Variants in MTHFD1L observed in about 807,000 individuals in gnomAD.
MTHFD1L encodes the protein methylenetetrahydrofolate dehydrogenase (NADP+ dependent) 1 like.
Under a neutral mutation model 119.5 loss-of-function variants are expected in MTHFD1L, and 81 were observed. The observed-to-expected ratio is 0.68, with a 90% CI of 0.57 to 0.82. MTHFD1L has a LOEUF of 0.82. MTHFD1L is among the 40% of genes least tolerant of loss of function. The probability of loss-of-function intolerance (pLI) is 0.00; values close to 1 mark genes in which losing one functional copy is unlikely to be tolerated. For missense variants in MTHFD1L, 1,125 were observed against 1,253.4 expected (o/e 0.90, Z 1.55); for synonymous variants, 430 against 475.2 (o/e 0.90, Z 1.24).
At chr6:151,084,990 T>TAC (rs1793634570) in intron 26 of MTHFD1L, among the ~76,000 whole-genome samples, 1 of 131,634 alleles carries the variant, frequency 7.6e-6, no homozygotes, top group Non-Finnish European at 1.5e-5. Flanking sequence ...AAAAAATATA[T>TAC]ATATATATAT....
intron 26 of MTHFD1L, among the ~76,000 whole-genome samples, chr6:151,057,066 G>T (rs185899530): frequency 9.8e-5 from 15 of 152,298 alleles, no homozygotes; most frequent in Non-Finnish European, 2.1e-4. Flanking sequence ...TGGGGCTGGG[G>T]CTGAGTGTCC....
intron 9 of MTHFD1L, among the ~76,000 whole-genome samples, chr6:150,921,398 G>C (rs1788913418): frequency 6.6e-6 from 1 of 152,124 alleles, no homozygotes; most frequent in Non-Finnish European, 1.5e-5. Flanking sequence ...TTACAGGCGT[G>C]AGCCACTGCA....
chr6:151,069,476 C>A (rs982045564), intron 26 of MTHFD1L, among the ~76,000 whole-genome samples: 1 of 152,020 alleles, frequency 6.6e-6, no homozygotes, highest in Non-Finnish European at 1.5e-5. Flanking sequence ...TTCTCTTCAC[C>A]CCTCCTTACC....
At chr6:150,968,837 T>A (rs1436345466) in intron 19 of MTHFD1L, among the ~76,000 whole-genome samples, 1 of 146,972 alleles carries the variant, frequency 6.8e-6, no homozygotes, top group Non-Finnish European at 1.5e-5. Flanking sequence ...TTTCTTGTTT[T>A]AAATAATTCT....
In MTHFD1L at chr6:150,900,376, C is replaced by T. The variant is rs537947244; in HGVS notation, c.781-5274C>T. 3.9e-5 allele frequency among the ~76,000 whole-genome samples: 6 copies of T among 152,226 alleles called. 1 individual carries two copies. The highest frequency in any genetic ancestry group is 4.1e-4 in the South Asian group (2 of 4,826). ...GACATGGTGGTCTCCATCATCTGTT[C>T]GTTATCTCTAACCATTTAAGATTAG... On this transcript the variant is annotated intron_variant, in intron 7 of 27. Coordinates refer to ENST00000367321, the MANE Select transcript of MTHFD1L (RefSeq NM_015440.5).
At chr6:150,934,871 A>T in intron 11 of MTHFD1L, 1 of 1,429,704 alleles carries the variant, frequency 7.0e-7, no homozygotes, top group Non-Finnish European at 9.3e-7. Context: ...CAAACTCCAG[A>T]TCGGGAGCAG....
chr6:151,047,172 TG>T (rs1788220438), intron 26 of MTHFD1L, among the ~76,000 whole-genome samples: 1 of 152,172 alleles, frequency 6.6e-6, no homozygotes, highest in Non-Finnish European at 1.5e-5. Flanking sequence ...ATAGTCTAAT[TG>T]ATAGGAAAAA....
intron 11 of MTHFD1L, among the ~76,000 whole-genome samples, chr6:150,927,038 GC>G (rs1410399287): frequency 6.6e-6 from 1 of 152,104 alleles, no homozygotes; most frequent in East Asian, 1.9e-4. Flanking sequence ...TGTATACAAA[GC>G]TTCAGGCACA....
chr6:150,933,057 T>C (rs1791436181), intron 11 of MTHFD1L, among the ~76,000 whole-genome samples: 1 of 152,104 alleles, frequency 6.6e-6, no homozygotes, highest in South Asian at 2.1e-4. Flanking sequence ...TTATTGTAGC[T>C]CTCCTTTTAT....
chr6:150,968,237 C>T (rs766314149), intron 19 of MTHFD1L, among the ~76,000 whole-genome samples: 7 of 152,218 alleles, frequency 4.6e-5, no homozygotes, highest in Middle Eastern at 3.4e-3. Flanking sequence ...GAGATGACAG[C>T]AAGACCTTTT....
chr6:151,047,211 C>T (rs1788228311), intron 26 of MTHFD1L, among the ~76,000 whole-genome samples: 1 of 152,126 alleles, frequency 6.6e-6, no homozygotes, highest in Admixed American at 6.6e-5. Context: ...CACACAGTAC[C>T]TCGTTTGGCT....
intron 7 of MTHFD1L, chr6:150,898,862 G>A (rs1409205688): frequency 2.4e-5 from 9 of 380,478 alleles, no homozygotes; most frequent in Admixed American, 1.2e-4. Flanking sequence ...TTTTTCAGAC[G>A]GAGTCTCGTT....
At chr6:151,033,312 G>T (rs1248522832) in intron 24 of MTHFD1L, among the ~76,000 whole-genome samples, 1 of 151,930 alleles carries the variant, frequency 6.6e-6, no homozygotes, top group East Asian at 1.9e-4. Context: ...CAGAGACGGG[G>T]TTTCACCATG....
chr6:150,922,076 C>T (rs1418078153), intron 9 of MTHFD1L, 129 bp from the exon 10 acceptor site: 6 of 683,176 alleles, frequency 8.8e-6, no homozygotes, highest in Non-Finnish European at 1.6e-5. Flanking sequence ...TTCCTAATAT[C>T]CTCCTGGCTT....
At chr6:150,945,951 G>T (rs1190686513) in intron 15 of MTHFD1L, among the ~76,000 whole-genome samples, 1 of 152,028 alleles carries the variant, frequency 6.6e-6, no homozygotes, top group African/African-American at 2.4e-5. Context: ...GCACCATGAT[G>T]GCCCCTGTGA....
chr6:150,913,416 C>T (rs1396626008), intron 8 of MTHFD1L, among the ~76,000 whole-genome samples: 3 of 152,084 alleles, frequency 2.0e-5, no homozygotes, highest in Non-Finnish European at 4.4e-5. Context: ...CCGCCCGACT[C>T]GGCCTCCCAA....
At chr6:151,023,040 GT>G (rs1289707985) in intron 24 of MTHFD1L, among the ~76,000 whole-genome samples, 1 of 144,156 alleles carries the variant, frequency 6.9e-6, no homozygotes, top group Non-Finnish European at 1.5e-5. Flanking sequence ...TGGTTGGTTG[GT>G]TTTTGGGTTT....
At position 150,877,792 on chromosome 6, in the gene MTHFD1L, A is replaced by G. The variant is rs764043398; in HGVS notation, c.383A>G (p.His128Arg). 75 of 1,614,102 alleles carry G rather than the reference A, an allele frequency of 4.6e-5. No individual in the cohort carries two copies. Among genetic ancestry groups the G allele is most frequent in the Non-Finnish European group, 5.8e-5 (69 of 1,180,052 alleles). The change falls in exon 4 of 28, where the codon CAC (histidine) becomes CGC (arginine). Residue 128 changes from histidine to arginine, a missense_variant. Transcript: ENST00000367321. ...TTTCAGGCTGGTCTGAACATCACTC[A>G]CATTTGCCTCCCTCCAGATAGCAGT... ...LAEEAGLNIT[H>R]ICLPPDSSEA...
intron 8 of MTHFD1L, 41 bp from the exon 9 acceptor site, chr6:150,918,536 A>G (rs368778315): frequency 3.5e-5 from 47 of 1,328,452 alleles, no homozygotes; most frequent in Non-Finnish European, 5.0e-5. Flanking sequence ...TAGAAATGAC[A>G]GTGTACTGAA....
Sources: allele counts gnomAD v4.1 joint callset (sites outside exome capture counted in the v4.1 genomes callset), GRCh38; gene constraint gnomAD v4.1.1; transcripts MANE v1.5; gene names NCBI Gene and HGNC (gene_info 2026-07-23, HGNC 2026-07-21).